CYP51A1: variants seen among roughly 807,000 people sequenced by gnomAD.
The protein encoded by CYP51A1 is lanosterol 14-alpha demethylase.
A neutral mutation model predicts 53.5 loss-of-function variants in CYP51A1; 45 were observed. The ratio of observed to expected loss-of-function variants is 0.84; its 90% CI spans 0.66 to 1.08. The LOEUF (loss-of-function observed/expected upper bound fraction) is 1.08, where lower values mean the gene tolerates loss of function less well. Ranked by LOEUF, CYP51A1 falls within the 50% of genes least tolerant of loss-of-function variation. The pLI, the probability that CYP51A1 is intolerant of heterozygous loss-of-function variation, is 0.00. For synonymous variants in CYP51A1, 181 were observed against 217.7 expected, an observed-to-expected ratio of 0.83 and a Z score of 1.48; for missense variants, 462 against 621.7, an observed-to-expected ratio of 0.74 and a Z score of 2.73.
At chr7:92,126,610 C>G (rs1053676812) in intron 4 of CYP51A1, among the ~76,000 whole-genome samples, 183 bp from the exon 5 acceptor site, 3 of 152,166 alleles carry the variant, frequency 2.0e-5, no homozygotes, top group Non-Finnish European at 4.4e-5. Context: ...GTGAAGCACC[C>G]TGTCCCTCTA....
Position 92,126,281 on chromosome 7 carries a change from G to A in CYP51A1, c.742C>T (p.Pro248Ser), listed in dbSNP as rs1190105933. Residue 248 changes from proline (P) to serine (S), a missense_variant, in exon 5 of 10, where the codon CCA becomes TCA. Physicochemically the swap from Pro to Ser is moderately conservative, Grantham distance 74 (BLOSUM62 -1). Coordinates refer to ENST00000003100, the MANE Select transcript of CYP51A1 (RefSeq NM_000786.4). ...GGFSHAAWLL[P>S]GWLPLPSFRR... ...AAACTAGGCAAAGGCAGCCAACCTG[G>A]TAAGAGCCAGGCTGCATGGCTGAAA... 7 of 1,607,066 alleles carry A rather than the reference G, an allele frequency of 4.4e-6. No individual in the cohort carries two copies. Among genetic ancestry groups the A allele is most frequent in the Non-Finnish European group, 8.5e-7 (1 of 1,178,488 alleles).
At chr7:92,118,723 A>T (rs1433633432) in intron 7 of CYP51A1, 108 bp from the exon 8 acceptor site, 1 of 676,928 alleles carries the variant, frequency 1.5e-6, no homozygotes, top group African/African-American at 1.8e-5. Context: ...TCCAGCTAAA[A>T]GTACAGAGGT....
chr7:92,134,480 A>C, upstream of CYP51A1: 2 of 1,091,054 alleles, frequency 1.8e-6, no homozygotes, highest in Non-Finnish European at 2.5e-6. Context: ...CTCCTACTAA[A>C]CCCAGCCCCA....
chr7:92,134,295 T>A lies in CYP51A1; in HGVS notation c.70A>T (p.Met24Leu), dbSNP rs772192197. ...AGGTTGCCGCCTGTCACCTTCTCCA[T>A]CGCCTGGCCCAGCACCGACCCACCC... ...QAGGSVLGQA[M>L]EKVTGGNLLS... Residue 24 changes from methionine to leucine, a missense_variant, in exon 1 of 10, where the codon ATG becomes TTG. Physicochemically the swap from Met to Leu is conservative, Grantham distance 15. Coordinates refer to ENST00000003100, the MANE Select transcript of CYP51A1 (RefSeq NM_000786.4). 3 of 1,610,594 alleles carry A rather than the reference T, an allele frequency of 1.9e-6. No individual in the cohort carries two copies. The highest frequency in any genetic ancestry group is 4.5e-5 in the East Asian group (2 of 44,666).
Position 92,128,896 on chromosome 7 carries a change from T to A in CYP51A1, c.452A>T (p.Tyr151Phe). The A allele has an allele frequency of 6.2e-7, 1 of 1,611,718 alleles. No individual in the cohort carries two copies. The highest frequency in any genetic ancestry group is 8.5e-7 in the Non-Finnish European group (1 of 1,179,678). The change falls in exon 3 of 10, where the codon TAC becomes TTC. Residue 151 changes from tyrosine (Y) to phenylalanine (F), a missense_variant. Transcript: ENST00000003100. ...GTCACCTACTGGATTAGGCACATCG[T>A]ATGCAACTCCCTTCCCAAACACAGG... ...TTPVFGKGVA[Y>F]DVPNPVFLEQ...
chr7:92,134,441 G>A lies in CYP51A1; in HGVS notation c.-77C>T. On this transcript the variant is annotated 5_prime_UTR_variant, in exon 1 of 10. Transcript: ENST00000003100. ...GACGGAACGAGAGAAGCTGGCAGAT[G>A]GTCGTCCACAGGGGGCCTTGCCCCA... The A allele has an allele frequency of 7.0e-7, 1 of 1,433,048 alleles. No individual in the cohort carries two copies. Among genetic ancestry groups the A allele is most frequent in the South Asian group, 1.4e-5 (1 of 72,280 alleles). 88.8% of individuals were successfully genotyped at this position (1,433,048 alleles called of 1,614,324 possible). A position where few individuals can be genotyped will look rare whatever the true frequency, so the allele number is the denominator to read the frequency against.
Position 92,127,631 on chromosome 7 carries a change from C to T in CYP51A1, c.469G>A (p.Val157Ile), listed in dbSNP as rs766245719. The change falls in exon 4 of 10, where the codon GTT becomes ATT. Residue 157 changes from valine to isoleucine, a missense_variant and splice_region_variant. Transcript: ENST00000003100. Reference sequence around the variant, plus strand: ...AACATTTTCTTCTGCTCCAAGAAAACCTTCAAAAAAATTCAAAACGGGGAT... The same window carrying T: ...AACATTTTCTTCTGCTCCAAGAAAATCTTCAAAAAAATTCAAAACGGGGAT... ...KGVAYDVPNP[V>I]FLEQKKMLKS... The T allele has an allele frequency of 6.2e-7, 1 of 1,613,380 alleles. No individual in the cohort carries two copies. The highest frequency in any genetic ancestry group is 8.5e-7 in the Non-Finnish European group (1 of 1,179,700).
Position 92,112,907 on chromosome 7 carries a change from TC to T in CYP51A1, c.*757del. ...TCCCCTAAGGACTTGACTTTGGACT[TC>T]CACATAAATGTGACCTTGTAGAACT... On this transcript the variant is annotated 3_prime_UTR_variant, in exon 10 of 10. Coordinates refer to ENST00000003100, the MANE Select transcript of CYP51A1 (RefSeq NM_000786.4). 6.6e-6 allele frequency: 1 copy of T among 152,030 alleles called. No homozygotes were observed. The highest frequency in any genetic ancestry group is 1.9e-4 in the East Asian group (1 of 5,176). 9.4% of individuals were successfully genotyped at this position (152,030 alleles called of 1,614,324 possible).
chr7:92,133,608 C>A (rs1448522152), intron 1 of CYP51A1, among the ~76,000 whole-genome samples: 2 of 152,104 alleles, frequency 1.3e-5, no homozygotes, highest in Non-Finnish European at 2.9e-5. Flanking sequence ...AGGCCCTTAC[C>A]ACACTCCAGT....
chr7:92,131,942 G>T (rs1819930048), intron 1 of CYP51A1, 70 bp from the exon 2 acceptor site: 3 of 949,262 alleles, frequency 3.2e-6, no homozygotes, highest in African/African-American at 3.3e-5. Flanking sequence ...TTCGTTTCAT[G>T]ACCAAACAAT....
chr7:92,131,026 G>T (rs747027686), intron 2 of CYP51A1, among the ~76,000 whole-genome samples: 2 of 152,108 alleles, frequency 1.3e-5, no homozygotes, highest in Non-Finnish European at 2.9e-5. Context: ...AAAGATGCGG[G>T]GTCGAGGAAA....
intron 8 of CYP51A1, among the ~76,000 whole-genome samples, chr7:92,117,651 A>T (rs1819604334): frequency 6.6e-6 from 1 of 152,218 alleles, no homozygotes; most frequent in Admixed American, 6.5e-5. Flanking sequence ...TGATTTTTAA[A>T]ACCCCAATTG....
At chr7:92,117,963 G>A (rs1325495141) in intron 8 of CYP51A1, among the ~76,000 whole-genome samples, 3 of 150,034 alleles carry the variant, frequency 2.0e-5, no homozygotes, top group Admixed American at 1.3e-4. Flanking sequence ...ACTCCAGCCT[G>A]GGCAACAAGA....
Position 92,131,756 on chromosome 7 carries a change from A to C in CYP51A1, c.291+18T>G, listed in dbSNP as rs767990704. ...TAGTTGTTTTTTTTTTTTTCCTCTAATTATTTGGAAGACTTACCTTCTCAT... is the reference window on the plus strand; with the variant it reads ...TAGTTGTTTTTTTTTTTTTCCTCTACTTATTTGGAAGACTTACCTTCTCAT... On this transcript the variant is annotated intron_variant, in intron 2 of 9. Transcript: ENST00000003100. 7.8e-7 allele frequency: 1 copy of C among 1,277,482 alleles called. No homozygotes were observed. Among genetic ancestry groups the C allele is most frequent in the South Asian group, 1.3e-5 (1 of 74,582 alleles). The allele number at this position is 1,277,482 out of a possible 1,614,324, so 79.1% of individuals were successfully genotyped here. A position where few individuals can be genotyped will look rare whatever the true frequency, so the allele number is the denominator to read the frequency against.
At chr7:92,131,489 G>C (rs1239173974) in intron 2 of CYP51A1, among the ~76,000 whole-genome samples, 2 of 152,326 alleles carry the variant, frequency 1.3e-5, no homozygotes, top group Middle Eastern at 3.4e-3. Context: ...ATGACAATAA[G>C]TGAATAGAAA....
At chr7:92,116,934 T>A in intron 9 of CYP51A1, 110 bp downstream of exon 9, 1 of 1,129,120 alleles carries the variant, frequency 8.9e-7, no homozygotes, top group Non-Finnish European at 1.2e-6. Context: ...TGCAAAAATG[T>A]CCCTATGAGG....
intron 2 of CYP51A1, 48 bp downstream of exon 2, chr7:92,131,726 T>G: frequency 9.6e-7 from 1 of 1,038,056 alleles, no homozygotes; most frequent in Non-Finnish European, 1.4e-6. Flanking sequence ...TAAAAAGCAC[T>G]TCTCTAGTTG....
intron 1 of CYP51A1, among the ~76,000 whole-genome samples, chr7:92,132,760 A>G (rs1819949471): frequency 6.6e-6 from 1 of 152,240 alleles, no homozygotes; most frequent in Non-Finnish European, 1.5e-5. Flanking sequence ...CTGATTTTAG[A>G]GTTTTTAAGA....
At position 92,119,167 on chromosome 7, in the gene CYP51A1, C is replaced by T. The variant is rs541437110; in HGVS notation, c.1087-552G>A. Among the ~76,000 whole-genome samples the T allele has an allele frequency of 3.3e-5, 5 of 152,226 alleles. No individual in the cohort carries two copies. The East Asian group carries it at 9.6e-4, about 29-fold the overall frequency. On this transcript the variant is annotated intron_variant, in intron 7 of 9. Transcript: ENST00000003100. ...AGCAAAAATTGTTTAACACTGAAGG[C>T]GCCTGAGATGGTGATATCAGTTGGT...
Sources: gnomAD v4.1 joint callset for allele counts (sites outside exome capture counted in the v4.1 genomes callset) on GRCh38, gnomAD v4.1.1 for gene constraint, MANE v1.5 for transcripts, NCBI Gene and HGNC (gene_info 2026-07-23, HGNC 2026-07-21) for gene names.